Variants in CPSF7 observed in about 807,000 individuals in gnomAD.
CPSF7 encodes cleavage and polyadenylation specificity factor subunit 7.
A neutral mutation model predicts 44.3 loss-of-function variants in CPSF7; 1 was observed. The observed-to-expected ratio is 0.02, with a 90% CI of 0.01 to 0.11. CPSF7 has a LOEUF of 0.11. CPSF7 is among the 10% of genes least tolerant of loss of function. CPSF7 has a pLI of 1.00. For missense variants in CPSF7, 443 were observed against 607.2 expected (o/e 0.73, Z 2.84); for synonymous variants, 202 against 222.0 (o/e 0.91, Z 0.80).
intron 1 of CPSF7, 198 bp downstream of exon 1, chr11:61,429,710 CTACTCT>C: frequency 6.5e-7 from 1 of 1,533,366 alleles, no homozygotes; most frequent in African/African-American, 1.4e-5. Flanking sequence ...CAACCCAGGC[CTACTCT>C]TCGCCCCCAG....
intron 2 of CPSF7, among the ~76,000 whole-genome samples, chr11:61,428,694 A>C (rs1861636916): frequency 6.6e-6 from 1 of 152,246 alleles, no homozygotes; most frequent in Non-Finnish European, 1.5e-5. Flanking sequence ...TACTTATAAA[A>C]GGAAGTAAAA....
chr11:61,408,961 T>C (rs1027209052), intron 9 of CPSF7, among the ~76,000 whole-genome samples: 1 of 151,404 alleles, frequency 6.6e-6, no homozygotes, highest in African/African-American at 2.4e-5. Flanking sequence ...GGGGGATCAC[T>C]TGAGGCCAGG....
chr11:61,419,989 G>A lies in CPSF7; in HGVS notation c.483C>T (p.Thr161=). The change falls in exon 5 of 10, where the codon ACC becomes ACT. Residue 161 remains threonine (T), a synonymous_variant. Coordinates refer to ENST00000439958, the MANE Select transcript of CPSF7 (RefSeq NM_001142565.3). ...CCTCAAACTGTGACAGGTTCTGCCG[G>A]GTGGCCGGCCTCACGTCCACTTTTT... ...NGEKVDVRPA[T]RQNLSQFEAQ... is the part of the protein sequence containing the mutation. 3 of 1,614,106 alleles carry A rather than the reference G, an allele frequency of 1.9e-6. No individual in the cohort carries two copies. Among genetic ancestry groups the A allele is most frequent in the Non-Finnish European group, 2.5e-6 (3 of 1,180,012 alleles).
intron 5 of CPSF7, among the ~76,000 whole-genome samples, chr11:61,417,884 C>T (rs1420909641): frequency 6.6e-6 from 1 of 152,122 alleles, no homozygotes; most frequent in Non-Finnish European, 1.5e-5. Flanking sequence ...TTAACAGAGC[C>T]CAGGTCCATC....
intron 5 of CPSF7, among the ~76,000 whole-genome samples, chr11:61,417,529 G>A (rs567978682): frequency 7.2e-4 from 109 of 152,294 alleles, no homozygotes; most frequent in African/African-American, 2.5e-3. Context: ...CAGCAAGTGT[G>A]GAGGAAAGAG....
intron 7 of CPSF7, 38 bp from the exon 8 acceptor site, chr11:61,411,975 G>A (rs1859892906): frequency 1.3e-6 from 2 of 1,590,398 alleles, no homozygotes; most frequent in Non-Finnish European, 1.7e-6. Flanking sequence ...AGGGTGAGGA[G>A]AGATGGTAAA....
intron 5 of CPSF7, among the ~76,000 whole-genome samples, chr11:61,418,862 G>C (rs756484377): frequency 4.6e-5 from 7 of 152,024 alleles, no homozygotes; most frequent in Non-Finnish European, 1.0e-4. Flanking sequence ...GAGATTATAA[G>C]CATGTGCCAC....
intron 2 of CPSF7, among the ~76,000 whole-genome samples, chr11:61,422,350 G>A (rs1191932849): frequency 6.7e-6 from 1 of 148,836 alleles, no homozygotes; most frequent in East Asian, 2.0e-4. Context: ...GTCTCACTTT[G>A]TCACCCAGGC....
Position 61,416,513 on chromosome 11 carries a change from G to A in CPSF7, c.530C>T (p.Pro177Leu). The A allele has an allele frequency of 6.2e-7, 1 of 1,614,024 alleles. No individual in the cohort carries two copies. Among genetic ancestry groups the A allele is most frequent in the Non-Finnish European group, 8.5e-7 (1 of 1,179,956 alleles). ...QFEAQARKRI[P>L]PRAHSRDSSD... ...AGAATCTCGGGAATGGGCCCGTGGA[G>A]GTATTCCTATGAAGCAAAACAGAAC... is the stretch of plus-strand genomic sequence containing the variant. Residue 177 changes from proline to leucine, a missense_variant, in exon 6 of 10, where the codon CCT becomes CTT. Coordinates refer to ENST00000439958, the MANE Select transcript of CPSF7 (RefSeq NM_001142565.3).
intron 5 of CPSF7, 57 bp downstream of exon 5, chr11:61,419,892 C>G (rs745800857): frequency 3.4e-5 from 54 of 1,589,616 alleles, no homozygotes; most frequent in Middle Eastern, 2.0e-4. Context: ...CCACAAACAC[C>G]CCCCCCTCAT....
In CPSF7 at chr11:61,403,777, A is replaced by G. The variant is rs1859079317; in HGVS notation, c.*933T>C. 6.6e-6 allele frequency: 1 copy of G among 152,350 alleles called. No individual in the cohort carries two copies. The highest frequency in any genetic ancestry group is 1.5e-5 in the Non-Finnish European group (1 of 68,058). The allele number at this position is 152,350 out of a possible 1,614,324, so 9.4% of individuals were successfully genotyped here. ...CCCCATTCCTCCTGGTTACTTCACA[A>G]GGGTTCTTCATTGCTGAGGTCCCAA... On this transcript the variant is annotated 3_prime_UTR_variant, in exon 10 of 10. Transcript: ENST00000439958.
chr11:61,416,480 G>T lies in CPSF7; in HGVS notation c.563C>A (p.Ser188Tyr). ...PRAHSRDSSD[S>Y]ADGRATPSEN... ...AGAGGGTGTGGCCCGTCCATCAGCAGAATCACTAGAATCTCGGGAATGGGC... is the reference window on the plus strand; with the variant it reads ...AGAGGGTGTGGCCCGTCCATCAGCATAATCACTAGAATCTCGGGAATGGGC... The change falls in exon 6 of 10, where the codon TCT becomes TAT. Residue 188 changes from serine (S) to tyrosine (Y), a missense_variant. By Grantham distance (144) the Ser-to-Tyr change is moderately radical (BLOSUM62 -2). Transcript: ENST00000439958. The T allele has an allele frequency of 6.2e-7, 1 of 1,614,134 alleles. No homozygotes were observed.
Position 61,404,292 on chromosome 11 carries a change from C to A in CPSF7, c.*418G>T, listed in dbSNP as rs1859112734. ...AGGACCCTGGGCATATTTTGGCACA[C>A]CCAGTCACTCTCCTAGATCCTGCAT... On this transcript the variant is annotated 3_prime_UTR_variant, in exon 10 of 10. Coordinates refer to ENST00000439958, the MANE Select transcript of CPSF7 (RefSeq NM_001142565.3). 6.6e-6 allele frequency: 1 copy of A among 152,580 alleles called. No homozygotes were observed. The highest frequency in any genetic ancestry group is 1.5e-5 in the Non-Finnish European group (1 of 68,074). The allele number at this position is 152,580 out of a possible 1,614,324, so 9.5% of individuals were successfully genotyped here.
intron 5 of CPSF7, among the ~76,000 whole-genome samples, chr11:61,418,073 T>TA (rs1460679063): frequency 6.6e-6 from 1 of 152,104 alleles, no homozygotes; most frequent in African/African-American, 2.4e-5. Context: ...GACTTGAAAA[T>TA]ACAACTTGTC....
chr11:61,416,934 T>C (rs912899497), intron 5 of CPSF7, among the ~76,000 whole-genome samples: 6 of 152,134 alleles, frequency 3.9e-5, no homozygotes, highest in Non-Finnish European at 7.3e-5. Context: ...CTCCTTAAAC[T>C]AATACTAGTT....
intron 2 of CPSF7, 129 bp downstream of exon 2, chr11:61,429,053 G>A (rs1861669516): frequency 3.6e-6 from 2 of 563,148 alleles, no homozygotes; most frequent in Non-Finnish European, 6.4e-6. Context: ...TTCTGCAGGA[G>A]AAAAATTTTA....
intron 2 of CPSF7, among the ~76,000 whole-genome samples, chr11:61,427,843 T>A (rs1407134611): frequency 6.6e-6 from 1 of 152,198 alleles, no homozygotes; most frequent in Non-Finnish European, 1.5e-5. Context: ...TTCCATGTTA[T>A]AAAACCATAA....
intron 9 of CPSF7, among the ~76,000 whole-genome samples, chr11:61,408,954 G>A (rs532441324): frequency 6.6e-6 from 1 of 152,012 alleles, no homozygotes; most frequent in South Asian, 2.1e-4. Context: ...TGAGGCAGGG[G>A]GATCACTTGA....
Position 61,421,508 on chromosome 11 carries a change from G to A in CPSF7, c.155C>T (p.Pro52Leu), listed in dbSNP as rs751063750. 6.2e-7 allele frequency: 1 copy of A among 1,614,134 alleles called. No individual in the cohort carries two copies. Among genetic ancestry groups the A allele is most frequent in the Non-Finnish European group, 8.5e-7 (1 of 1,180,004 alleles). ...AGATGGCTCCTGGCGAACAGGAGGAGGTGGTTCAGTGCTGCTGCTTCTGTC... is the reference window on the plus strand; with the variant it reads ...AGATGGCTCCTGGCGAACAGGAGGAAGTGGTTCAGTGCTGCTGCTTCTGTC... ...SDDRSSSTEP[P>L]PPVRQEPSPK... Residue 52 changes from proline (P) to leucine (L), a missense_variant, in exon 3 of 10, where the codon CCT becomes CTT. Physicochemically the swap from Pro to Leu is moderately conservative, Grantham distance 98. Transcript: ENST00000439958.
Sources: allele counts gnomAD v4.1 joint callset (sites outside exome capture counted in the v4.1 genomes callset), GRCh38; gene constraint gnomAD v4.1.1; transcripts MANE v1.5; gene names NCBI Gene and HGNC (gene_info 2026-07-23, HGNC 2026-07-21).